The following PRKD1 variants were observed in gnomAD, a reference collection of about 807,000 sequenced individuals.
The protein encoded by PRKD1 is serine/threonine-protein kinase D1.
PRKD1 carries 63 observed loss-of-function variants against 95.9 expected under a neutral mutation model. The observed-to-expected ratio is 0.66, with a 90% CI of 0.54 to 0.81. The LOEUF (loss-of-function observed/expected upper bound fraction) is 0.81. PRKD1 is among the 30% of genes least tolerant of loss of function. The probability of loss-of-function intolerance (pLI) is 0.00; values close to 1 mark genes in which losing one functional copy is unlikely to be tolerated. For synonymous variants in PRKD1, 425 were observed against 423.1 expected (o/e 1.00, Z -0.05); for missense variants, 1,048 against 1,165.3 (o/e 0.90, Z 1.47).
At chr14:29,733,958 A>G (rs1403462983) in intron 1 of PRKD1, among the ~76,000 whole-genome samples, 1 of 146,828 alleles carries the variant, frequency 6.8e-6, no homozygotes, top group Non-Finnish European at 1.5e-5. Flanking sequence ...CATCAAGTCT[A>G]TCACCTTTAC....
intron 1 of PRKD1, among the ~76,000 whole-genome samples, chr14:29,886,773 T>C (rs1164630383): frequency 2.6e-5 from 4 of 152,252 alleles, no homozygotes; most frequent in African/African-American, 7.2e-5. Flanking sequence ...ATAGATTCCA[T>C]AGTTATTTTG....
At chr14:29,676,176 C>CG (rs1883184597) in intron 2 of PRKD1, among the ~76,000 whole-genome samples, 2 of 62,244 alleles carry the variant, frequency 3.2e-5, no homozygotes, top group African/African-American at 1.9e-4. Flanking sequence ...TAGTTCATTA[C>CG]GTTTTTGTTT....
chr14:29,609,088 T>G (rs1308172689), intron 13 of PRKD1, among the ~76,000 whole-genome samples: 2 of 152,198 alleles, frequency 1.3e-5, no homozygotes, highest in African/African-American at 2.4e-5. Context: ...TATAACTCAC[T>G]GGACTCCGAG....
intron 1 of PRKD1, among the ~76,000 whole-genome samples, chr14:29,855,276 T>C (rs1163695477): frequency 6.6e-6 from 1 of 152,210 alleles, no homozygotes; most frequent in African/African-American, 2.4e-5. Context: ...TGCAAAGCCA[T>C]AGGGACGGAG....
At chr14:29,733,077 CTTTT>C (rs1223856901) in intron 1 of PRKD1, among the ~76,000 whole-genome samples, 3 of 148,934 alleles carry the variant, frequency 2.0e-5, no homozygotes, top group Admixed American at 1.3e-4. Flanking sequence ...ATTTTCTTTT[CTTTT>C]TTTATTTTTT....
intron 13 of PRKD1, among the ~76,000 whole-genome samples, chr14:29,603,655 A>G (rs1394879659): frequency 6.6e-6 from 1 of 152,220 alleles, no homozygotes; most frequent in Non-Finnish European, 1.5e-5. Flanking sequence ...AATATGAAAT[A>G]GCCTTTAAAC....
intron 16 of PRKD1, among the ~76,000 whole-genome samples, chr14:29,579,727 G>A (rs1253186936): frequency 6.6e-6 from 1 of 152,168 alleles, no homozygotes; most frequent in African/African-American, 2.4e-5. Context: ...TGCCTGCCCT[G>A]AAGGGCTGTA....
At chr14:29,690,971 G>A (rs1284827825) in intron 2 of PRKD1, among the ~76,000 whole-genome samples, 1 of 152,144 alleles carries the variant, frequency 6.6e-6, no homozygotes, top group Admixed American at 6.5e-5. Context: ...TATGATAACT[G>A]GTGAATCATT....
Position 29,858,144 on chromosome 14 carries a change from G to T in PRKD1, c.264+69105C>A, listed in dbSNP as rs527842546. Among the ~76,000 whole-genome samples the T allele has an allele frequency of 8.9e-4, 136 of 152,268 alleles. 1 individual carries two copies. Among genetic ancestry groups the T allele is most frequent in the Admixed American group, 6.5e-3 (99 of 15,294 alleles). On this transcript the variant is annotated intron_variant, in intron 1 of 17. Transcript: ENST00000331968. ...CAATTATTTCATTAAACAAATAAATGAACAGATACATCAACAAATGAATAA... is the reference window on the plus strand; with the variant it reads ...CAATTATTTCATTAAACAAATAAATTAACAGATACATCAACAAATGAATAA...
intron 2 of PRKD1, among the ~76,000 whole-genome samples, chr14:29,717,516 T>C (rs146987898): frequency 9.1e-4 from 138 of 152,278 alleles, no homozygotes; most frequent in African/African-American, 3.2e-3. Flanking sequence ...CAACTACTTA[T>C]GAAATTGAAG....
chr14:29,862,809 T>C (rs1892756642), intron 1 of PRKD1, among the ~76,000 whole-genome samples: 1 of 152,330 alleles, frequency 6.6e-6, no homozygotes, highest in East Asian at 1.9e-4. Context: ...TCTCCTATTC[T>C]GTGGGTTGTC....
intron 1 of PRKD1, among the ~76,000 whole-genome samples, chr14:29,735,562 C>T (rs1000119867): frequency 3.9e-5 from 6 of 152,136 alleles, no homozygotes; most frequent in Admixed American, 1.3e-4. Flanking sequence ...CCCTGAATAA[C>T]AGCTCAACTT....
chr14:29,874,965 T>C (rs1249212585), intron 1 of PRKD1, among the ~76,000 whole-genome samples: 1 of 152,170 alleles, frequency 6.6e-6, no homozygotes, highest in Non-Finnish European at 1.5e-5. Context: ...ATATTGCACA[T>C]TTCAAAGTAG....
intron 2 of PRKD1, among the ~76,000 whole-genome samples, chr14:29,677,921 T>G (rs1437334818): frequency 6.6e-6 from 1 of 152,210 alleles, no homozygotes; most frequent in African/African-American, 2.4e-5. Context: ...TAGTTAAATA[T>G]GATGCTGTTG....
At chr14:29,876,694 C>T (rs556702823) in intron 1 of PRKD1, among the ~76,000 whole-genome samples, 5 of 150,728 alleles carry the variant, frequency 3.3e-5, no homozygotes, top group African/African-American at 1.2e-4. Flanking sequence ...TATAAAAACT[C>T]CAACTCTACA....
chr14:29,693,804 TCA>T lies in PRKD1; in HGVS notation c.404-27598_404-27597del, dbSNP rs558688333. 6.8e-4 allele frequency among the ~76,000 whole-genome samples: 104 copies of T among 152,250 alleles called. 1 individual carries two copies. Among genetic ancestry groups the T allele is most frequent in the African/African-American group, 2.4e-3 (98 of 41,556 alleles). ...CAATCCAACCTCCCAACATTATCAC[TCA>T]CAGACTGTTACCCAGATGGTTTCCT... On this transcript the variant is annotated intron_variant, in intron 2 of 17. Coordinates refer to ENST00000331968, the MANE Select transcript of PRKD1 (RefSeq NM_002742.3).
At chr14:29,760,324 G>C (rs1298953953) in intron 1 of PRKD1, among the ~76,000 whole-genome samples, 1 of 143,546 alleles carries the variant, frequency 7.0e-6, no homozygotes. Flanking sequence ...TGACACCTAA[G>C]TCTCACTATC....
intron 2 of PRKD1, among the ~76,000 whole-genome samples, chr14:29,708,918 C>A (rs1376333473): frequency 6.6e-6 from 1 of 152,042 alleles, no homozygotes; most frequent in Non-Finnish European, 1.5e-5. Flanking sequence ...TACAACCACT[C>A]CCAAGATAGC....
chr14:29,882,398 A>G (rs998957169), intron 1 of PRKD1, among the ~76,000 whole-genome samples: 5 of 152,244 alleles, frequency 3.3e-5, no homozygotes, highest in Non-Finnish European at 5.9e-5. Context: ...CCCAAAGACT[A>G]GTCCTAGGTA....
Sources: gnomAD v4.1 joint callset for allele counts (sites outside exome capture counted in the v4.1 genomes callset) on GRCh38, gnomAD v4.1.1 for gene constraint, MANE v1.5 for transcripts, NCBI Gene and HGNC (gene_info 2026-07-23, HGNC 2026-07-21) for gene names.